Variants in GPM6B observed in about 807,000 individuals in gnomAD.
GPM6B encodes neuronal membrane glycoprotein M6-b.
A neutral mutation model predicts 27.2 loss-of-function variants in GPM6B; 4 were observed. That is an observed-to-expected ratio of 0.15 (90% CI 0.07 to 0.34). The LOEUF (loss-of-function observed/expected upper bound fraction) is 0.34, where lower values mean the gene tolerates loss of function less well. GPM6B is among the 10% of genes least tolerant of loss of function. The pLI is 1.00. For synonymous variants in GPM6B, 124 were observed against 103.1 expected (o/e 1.20, Z -1.23); for missense variants, 183 against 261.9 (o/e 0.70, Z 2.08).
intron 5 of GPM6B, 25 bp from the exon 6 acceptor site, chrX:13,777,450 G>A: frequency 9.4e-7 from 1 of 1,062,727 alleles, no homozygotes; most frequent in Non-Finnish European, 1.3e-6. Flanking sequence ...CCAATAGGAT[G>A]TTAGTACAAA....
chrX:13,785,491 T>C (rs1356685778), intron 3 of GPM6B, 131 bp downstream of exon 3: 2 of 572,575 alleles, frequency 3.5e-6, no homozygotes, highest in African/African-American at 4.6e-5. Context: ...TTTCACCATG[T>C]TGGCCAGGCT....
intron 7 of GPM6B, chrX:13,773,470 ATGTT>A (rs968068253): frequency 8.8e-6 from 1 of 113,382 alleles, no homozygotes; most frequent in Non-Finnish European, 1.8e-5. Flanking sequence ...AGCATGAACA[ATGTT>A]TATTTTGAGT....
intron 5 of GPM6B, among the ~76,000 whole-genome samples, chrX:13,778,314 C>T (rs2048453491): frequency 8.9e-6 from 1 of 112,082 alleles, no homozygotes; most frequent in African/African-American, 3.2e-5. Context: ...TCCCAAAGTG[C>T]TGGGATTACA....
intron 1 of GPM6B, among the ~76,000 whole-genome samples, chrX:13,916,502 G>A (rs910076621): frequency 3.6e-5 from 4 of 111,159 alleles, no homozygotes; most frequent in African/African-American, 6.5e-5. Context: ...AAATAGTCAC[G>A]TATAAAGACT....
intron 5 of GPM6B, among the ~76,000 whole-genome samples, chrX:13,779,379 C>A (rs904772690): frequency 1.8e-5 from 2 of 112,043 alleles, no homozygotes; most frequent in African/African-American, 6.5e-5. Context: ...AGCAGTTGGT[C>A]ATTTTAAAAA....
rs193175763 is a variant in GPM6B at position 13,816,423 on chromosome X, A to G, written c.61+421T>C. ...TAGAGAATGCCCAAATCACTACAGC[A>G]TTAGCGGAACCAAAGCAGAATTAAC... On this transcript the variant is annotated intron_variant, in intron 1 of 7. Coordinates refer to ENST00000316715, the MANE Select transcript of GPM6B (RefSeq NM_001001995.3). 5.5e-3 allele frequency among the ~76,000 whole-genome samples: 614 copies of G among 111,574 alleles called. 4 individuals are homozygous for G. The highest frequency in any genetic ancestry group is 9.0e-3 in the Non-Finnish European group (478 of 53,110).
intron 1 of GPM6B, among the ~76,000 whole-genome samples, chrX:13,815,341 G>A (rs1041076938): frequency 2.7e-5 from 3 of 111,545 alleles, no homozygotes; most frequent in Non-Finnish European, 5.7e-5. Flanking sequence ...ATCATACCCC[G>A]ACAACATGCA....
chrX:13,892,683 A>G (rs1287582028), intron 1 of GPM6B, among the ~76,000 whole-genome samples: 1 of 112,190 alleles, frequency 8.9e-6, no homozygotes, highest in Non-Finnish European at 1.9e-5. Context: ...GGCACATGCC[A>G]CTGCTACTGG....
intron 1 of GPM6B, among the ~76,000 whole-genome samples, chrX:13,853,570 G>A (rs749610043): frequency 2.4e-5 from 2 of 83,673 alleles, no homozygotes; most frequent in Non-Finnish European, 2.2e-5. Flanking sequence ...CTCCCTGGGC[G>A]ACAGGGTGAG....
chrX:13,921,558 CAACCA>C (rs1410829438), intron 1 of GPM6B, among the ~76,000 whole-genome samples: 1 of 102,515 alleles, frequency 9.8e-6, no homozygotes, highest in Non-Finnish European at 2.0e-5. Flanking sequence ...AGCAGTTTTG[CAACCA>C]CATTTATAAC....
At chrX:13,773,952 CCT>C (rs1491414639) in intron 7 of GPM6B, 1 of 563,691 alleles carries the variant, frequency 1.8e-6, no homozygotes, top group Non-Finnish European at 2.1e-6. Context: ...ACATATAAAT[CCT>C]TTTTTTTTTT....
chrX:13,886,017 A>G (rs1374869585), intron 1 of GPM6B, among the ~76,000 whole-genome samples: 2 of 112,722 alleles, frequency 1.8e-5, no homozygotes, highest in Non-Finnish European at 3.7e-5. Flanking sequence ...CACAAAATGT[A>G]TACGTATGCT....
intron 1 of GPM6B, among the ~76,000 whole-genome samples, chrX:13,913,003 A>G (rs2050391817): frequency 1.8e-5 from 2 of 112,506 alleles, no homozygotes; most frequent in African/African-American, 6.5e-5. Flanking sequence ...TTTTATTTAG[A>G]TGAAAAGTAT....
intron 1 of GPM6B, among the ~76,000 whole-genome samples, chrX:13,936,325 A>AAG (rs1481753079): frequency 8.9e-6 from 1 of 112,205 alleles, no homozygotes; most frequent in Non-Finnish European, 1.9e-5. Context: ...AAAGATTGCA[A>AAG]ATACCTTAAA....
chrX:13,843,710 G>A (rs1335272049), intron 1 of GPM6B, among the ~76,000 whole-genome samples: 7 of 112,113 alleles, frequency 6.2e-5, no homozygotes, highest in Non-Finnish European at 1.3e-4. Flanking sequence ...TCTTTCATAA[G>A]CTTATTGGAT....
intron 7 of GPM6B, among the ~76,000 whole-genome samples, chrX:13,775,427 G>A (rs1231231918): frequency 8.9e-6 from 1 of 112,452 alleles, no homozygotes; most frequent in Non-Finnish European, 1.9e-5. Context: ...AAGTATACTC[G>A]AAGTATATTT....
At chrX:13,935,827 T>C (rs1210743793) in intron 1 of GPM6B, among the ~76,000 whole-genome samples, 1 of 112,486 alleles carries the variant, frequency 8.9e-6, no homozygotes, top group Non-Finnish European at 1.9e-5. Context: ...CATGGAACCC[T>C]TCAGCCAGAG....
intron 1 of GPM6B, among the ~76,000 whole-genome samples, chrX:13,815,045 C>G (rs1244697514): frequency 1.8e-5 from 2 of 111,524 alleles, no homozygotes; most frequent in Non-Finnish European, 3.8e-5. Context: ...TACTAGCAAC[C>G]TGTAGATCTG....
At chrX:13,833,461 T>C (rs1330900849) in intron 1 of GPM6B, among the ~76,000 whole-genome samples, 3 of 103,356 alleles carry the variant, frequency 2.9e-5, no homozygotes, top group African/African-American at 7.2e-5. Context: ...ACTCCTGTAA[T>C]CCCAGCACTT....
Sources: allele counts gnomAD v4.1 joint callset (sites outside exome capture counted in the v4.1 genomes callset), GRCh38; gene constraint gnomAD v4.1.1; transcripts MANE v1.5; gene names NCBI Gene and HGNC (gene_info 2026-07-23, HGNC 2026-07-21).